Variants in CUBN observed in about 807,000 individuals in gnomAD.
CUBN encodes 460 kDa receptor.
CUBN carries 282 observed loss-of-function variants against 405.3 expected under a neutral mutation model. That is an observed-to-expected ratio of 0.70 (90% CI 0.63 to 0.77). CUBN has a LOEUF of 0.77. Ranked by LOEUF, CUBN falls within the 30% of genes least tolerant of loss-of-function variation. CUBN has a pLI of 0.00. For missense variants in CUBN, 4,514 were observed against 4,475.2 expected, an observed-to-expected ratio of 1.01 and a Z score of -0.25; for synonymous variants, 1,684 against 1,617.0, an observed-to-expected ratio of 1.04 and a Z score of -0.99.
At position 16,851,285 on chromosome 10, in the gene CUBN, C is replaced by T. The variant is rs370227709; in HGVS notation, c.9613G>A (p.Ala3205Thr). Reference sequence around the variant, plus strand: ...TGCCTAGTACTTGCTGCCTCCAGAGCAAATGTATTGAAGGTGAGGTGAATT... The same window carrying T: ...TGCCTAGTACTTGCTGCCTCCAGAGTAAATGTATTGAAGGTGAGGTGAATT... The part of the protein sequence containing the change: ...KVIHLTFNTF[A>T]LEAASTRQRC... Residue 3205 changes from alanine (A) to threonine (T), a missense_variant, in exon 60 of 67, where the codon GCT becomes ACT. Around this residue, in one of 5 missense-constraint regions of CUBN, gnomAD observed 1,186 missense variants for 1,186.9 expected, o/e 1.00. Transcript: ENST00000377833. The T allele has an allele frequency of 2.7e-5, 44 of 1,614,004 alleles. No individual in the cohort carries two copies. Among genetic ancestry groups the T allele is most frequent in the Non-Finnish European group, 3.7e-5 (44 of 1,180,030 alleles).
At position 16,928,152 on chromosome 10, in the gene CUBN, A is replaced by T. The variant is rs761278047; in HGVS notation, c.6271+5T>A. On this transcript the variant is annotated splice_donor_5th_base_variant and intron_variant, in intron 41 of 66. Transcript: ENST00000377833. ...ATGGGATTAAAAAATATTTGAACTC[A>T]TTACTCTTGTGAAAGGATGCATTGA... The T allele has an allele frequency of 6.2e-7, 1 of 1,613,344 alleles. No homozygotes were observed. The highest frequency in any genetic ancestry group is 2.2e-5 in the East Asian group (1 of 44,862).
intron 55 of CUBN, among the ~76,000 whole-genome samples, chr10:16,889,942 A>AAAAAAAAAAAAAAAAAAAAAAAACAAAAC (rs1554788548): frequency 1.5e-5 from 2 of 136,316 alleles, no homozygotes; most frequent in African/African-American, 2.9e-5. Context: ...TGTCAAAAAA[A>AAAAAAAAAAAAAAAAAAAAAAAACAAAAC]AAAAAAAAAA....
intron 28 of CUBN, among the ~76,000 whole-genome samples, chr10:17,016,126 A>G (rs11528677): frequency 0.38 from 56,574 of 150,810 alleles, 11,023 homozygotes; most frequent in East Asian, 0.59. Context: ...CGAGTGAGTC[A>G]GGTGACAGGG....
At chr10:17,010,108 TC>T (rs1834138619) in intron 28 of CUBN, among the ~76,000 whole-genome samples, 1 of 152,122 alleles carries the variant, frequency 6.6e-6, no homozygotes, top group Non-Finnish European at 1.5e-5. Flanking sequence ...TCCAACAAGA[TC>T]CCCAGGGTTC....
chr10:16,882,524 A>G (rs962511606), intron 56 of CUBN, among the ~76,000 whole-genome samples: 1 of 152,206 alleles, frequency 6.6e-6, no homozygotes, highest in African/African-American at 2.4e-5. Flanking sequence ...ACTATGAGAG[A>G]ACTGAAGGAA....
At chr10:17,122,959 A>T (rs1837080691) in intron 5 of CUBN, 61 bp from the exon 6 acceptor site, 1 of 1,106,648 alleles carries the variant, frequency 9.0e-7, no homozygotes, top group African/African-American at 1.5e-5. Flanking sequence ...TGGAGCGAAC[A>T]TTCACATGAT....
In CUBN at chr10:17,085,728, A is replaced by T; in HGVS notation, c.1979T>A (p.Leu660His). 6.2e-7 allele frequency: 1 copy of T among 1,614,086 alleles called. No individual in the cohort carries two copies. The highest frequency in any genetic ancestry group is 1.1e-5 in the South Asian group (1 of 91,074). The change falls in exon 16 of 67, where the codon CTT becomes CAT. Residue 660 changes from leucine to histidine, a missense_variant. By Grantham distance (99) the Leu-to-His change is moderately conservative. Around this residue, in one of 5 missense-constraint regions of CUBN, gnomAD observed 1,448 missense variants for 1,388.0 expected, o/e 1.04. Transcript: ENST00000377833. Reference sequence around the variant, plus strand: ...GAAAGTGGTGCAGAACTTCCCAAGAAGGGGGTCCTGATACAAAGGACCATC... The same window carrying T: ...GAAAGTGGTGCAGAACTTCCCAAGATGGGGGTCCTGATACAAAGGACCATC... Reference protein sequence around the residue: ...IRDGPLYQDPLLGKFCTTFSV... With the variant: ...IRDGPLYQDPHLGKFCTTFSV...
At chr10:16,837,459 C>T (rs1839206672) in intron 62 of CUBN, among the ~76,000 whole-genome samples, 1 of 152,168 alleles carries the variant, frequency 6.6e-6, no homozygotes, top group Non-Finnish European at 1.5e-5. Flanking sequence ...CAGTTACTTC[C>T]CTTCATTTAT....
At chr10:17,035,088 A>G in intron 27 of CUBN, among the ~76,000 whole-genome samples, 1 of 118,304 alleles carries the variant, frequency 8.5e-6, no homozygotes, top group Admixed American at 1.0e-4. Context: ...ATAAAAAAAA[A>G]AAATAAACAA....
chr10:17,127,186 C>T (rs556431910), intron 3 of CUBN, among the ~76,000 whole-genome samples: 1 of 146,862 alleles, frequency 6.8e-6, no homozygotes, highest in Admixed American at 6.8e-5. Context: ...CTTTCTCTCT[C>T]TCTCTTTCTT....
intron 56 of CUBN, among the ~76,000 whole-genome samples, chr10:16,878,247 C>A (rs189691217): frequency 6.6e-6 from 1 of 152,256 alleles, no homozygotes; most frequent in East Asian, 1.9e-4. Flanking sequence ...GAGATCGCGC[C>A]ACTTCACTCC....
At chr10:16,969,552 A>T (rs184374646) in intron 31 of CUBN, among the ~76,000 whole-genome samples, 197 of 152,244 alleles carry the variant, frequency 1.3e-3, no homozygotes, top group Non-Finnish European at 2.5e-3. Context: ...ACGGGGTTTC[A>T]TCATGTTGGC....
chr10:17,100,957 A>C (rs946464745), intron 13 of CUBN, among the ~76,000 whole-genome samples: 6 of 152,222 alleles, frequency 3.9e-5, no homozygotes, highest in African/African-American at 1.4e-4. Context: ...TAGAATACAG[A>C]CTTCAAATAT....
chr10:16,961,451 G>A (rs942654017), intron 31 of CUBN, among the ~76,000 whole-genome samples: 3 of 152,152 alleles, frequency 2.0e-5, no homozygotes, highest in Non-Finnish European at 1.5e-5. Context: ...GTTCAACTTT[G>A]TCACATGTCA....
Position 17,084,188 on chromosome 10 carries a change from A to G in CUBN, c.2301+83T>C. On this transcript the variant is annotated intron_variant, in intron 17 of 66. Transcript: ENST00000377833. ...AGGTATTCTGGCTGCTGGTGGCCCA[A>G]CAATCTTTTGAAGACCACCACTCTG... The G allele has an allele frequency of 2.8e-6, 4 of 1,406,634 alleles. No individual in the cohort carries two copies. In the South Asian group the frequency reaches 3.5e-5, roughly 12 times the overall value. The allele number at this position is 1,406,634 out of a possible 1,614,324, so 87.1% of individuals were successfully genotyped here.
chr10:17,111,546 C>T (rs1017667417), intron 8 of CUBN, among the ~76,000 whole-genome samples: 4 of 152,172 alleles, frequency 2.6e-5, no homozygotes, highest in Admixed American at 1.3e-4. Context: ...ATACTAAAAA[C>T]GCTTTTTAAT....
intron 43 of CUBN, among the ~76,000 whole-genome samples, chr10:16,923,506 C>T (rs944000848): frequency 2.6e-5 from 4 of 152,102 alleles, no homozygotes; most frequent in Non-Finnish European, 5.9e-5. Context: ...ATGGAACAAT[C>T]TTGAGTTGGT....
At chr10:17,035,839 G>A (rs991796387) in intron 27 of CUBN, among the ~76,000 whole-genome samples, 7 of 141,394 alleles carry the variant, frequency 5.0e-5, no homozygotes, top group Non-Finnish European at 9.5e-5. Flanking sequence ...CCTACCTGAG[G>A]GTGGAGGGTG....
chr10:16,926,190 T>C (rs1226880958), intron 41 of CUBN, among the ~76,000 whole-genome samples: 3 of 152,040 alleles, frequency 2.0e-5, no homozygotes, highest in Non-Finnish European at 4.4e-5. Flanking sequence ...AGCAGAGACA[T>C]GAATGAAATG....
Sources: gnomAD v4.1 joint callset for allele counts (sites outside exome capture counted in the v4.1 genomes callset) on GRCh38, gnomAD v4.1.1 for gene constraint, gnomAD v4.1.1 regional missense constraint, MANE v1.5 for transcripts, NCBI Gene and HGNC (gene_info 2026-07-23, HGNC 2026-07-21) for gene names.